Variants in SP140 observed in about 807,000 individuals in gnomAD.
The protein encoded by SP140 is SP140 nuclear body protein.
A neutral mutation model predicts 125.0 loss-of-function variants in SP140; 81 were observed. The ratio of observed to expected loss-of-function variants is 0.65; its 90% CI spans 0.54 to 0.78. SP140 has a LOEUF of 0.78. Among genes scored for constraint, SP140 ranks in the 30% least tolerant of loss-of-function variants. The pLI is 0.00. For missense variants in SP140, 858 were observed against 1,037.0 expected, an observed-to-expected ratio of 0.83 and a Z score of 2.37; for synonymous variants, 312 against 354.0, an observed-to-expected ratio of 0.88 and a Z score of 1.33.
At chr2:230,187,504 CATTT>C in the SP140 span, among the ~76,000 whole-genome samples, 1 of 152,042 alleles carries the variant, frequency 6.6e-6, no homozygotes, top group African/African-American at 2.4e-5. Context: ...AATTAAGTCC[CATTT>C]ATTTATTTTT....
rs970791980 is a variant in SP140, at chr2:230,313,117, G to A, written c.*433G>A. On this transcript the variant is annotated 3_prime_UTR_variant, in exon 27 of 27. Coordinates refer to ENST00000392045, the MANE Select transcript of SP140 (RefSeq NM_007237.5). ...AGCCCACATTCTTTCGATAGCTCAC[G>A]GTGGTGCATGAGTGTCCATCATCTG... 6 of 180,676 alleles carry A rather than the reference G, an allele frequency of 3.3e-5. No individual in the cohort carries two copies. The highest frequency in any genetic ancestry group is 1.2e-4 in the South Asian group (1 of 8,204). 11.2% of individuals were successfully genotyped at this position (180,676 alleles called of 1,614,324 possible). A position where few individuals can be genotyped will look rare whatever the true frequency, so the allele number is the denominator to read the frequency against.
At chr2:230,289,191 TTTTGA>T (rs1393848712) in intron 18 of SP140, among the ~76,000 whole-genome samples, 1 of 152,224 alleles carries the variant, frequency 6.6e-6, no homozygotes, top group Non-Finnish European at 1.5e-5. Flanking sequence ...CTCATTGTGG[TTTTGA>T]TTTGCATTTC....
At chr2:230,295,109 G>C (rs761614375) in intron 21 of SP140, among the ~76,000 whole-genome samples, 1 of 152,252 alleles carries the variant, frequency 6.6e-6, no homozygotes, top group Non-Finnish European at 1.5e-5. Context: ...AATAGGTTAA[G>C]TGCAGTGTAT....
intron 22 of SP140, among the ~76,000 whole-genome samples, chr2:230,299,639 G>A (rs1382690866): frequency 6.6e-6 from 1 of 152,200 alleles, no homozygotes. Flanking sequence ...AAGTGCAGAA[G>A]CCATGGCAGG....
intron 15 of SP140, among the ~76,000 whole-genome samples, chr2:230,274,085 G>C (rs988523717): frequency 6.7e-6 from 1 of 150,068 alleles, no homozygotes; most frequent in African/African-American, 2.5e-5. Flanking sequence ...TAACAAACCT[G>C]CACATATATC....
chr2:230,264,620 C>G (rs2052767883), intron 12 of SP140, among the ~76,000 whole-genome samples: 1 of 152,156 alleles, frequency 6.6e-6, no homozygotes, highest in Non-Finnish European at 1.5e-5. Context: ...GAGGGAGGGT[C>G]TAGGGCTGAA....
At chr2:230,197,784 C>G in the SP140 span, among the ~76,000 whole-genome samples, 1 of 152,040 alleles carries the variant, frequency 6.6e-6, no homozygotes, top group East Asian at 1.9e-4. Context: ...TTCCCAGCAC[C>G]ATTTATTAAA....
chr2:230,208,507 G>A (rs1016297479), intron 1 of SP140, among the ~76,000 whole-genome samples: 58 of 152,306 alleles, frequency 3.8e-4, no homozygotes, highest in Non-Finnish European at 1.6e-4. Context: ...GGAGAGGAGG[G>A]AGACAGATGT....
chr2:230,307,351 A>G (rs986073575), intron 22 of SP140, among the ~76,000 whole-genome samples: 7 of 152,208 alleles, frequency 4.6e-5, no homozygotes, highest in African/African-American at 1.7e-4. Flanking sequence ...AGGCTAAAAG[A>G]GCTGTAACAC....
intron 3 of SP140, chr2:230,214,961 C>T (rs1192584755): frequency 1.9e-6 from 3 of 1,613,840 alleles, no homozygotes; most frequent in Non-Finnish European, 2.5e-6. Flanking sequence ...ACGTTTGAAG[C>T]TTCTGTAAAT....
chr2:230,264,699 G>A (rs2149317416), intron 12 of SP140, among the ~76,000 whole-genome samples: 1 of 152,218 alleles, frequency 6.6e-6, no homozygotes, highest in South Asian at 2.1e-4. Context: ...CTTTTTCTAT[G>A]GATGTGGCTT....
At chr2:230,288,106 G>T in intron 18 of SP140, 140 bp downstream of exon 18, 2 of 705,084 alleles carry the variant, frequency 2.8e-6, no homozygotes, top group Non-Finnish European at 4.3e-6. Context: ...ATCCTATTTA[G>T]TCATTTTCCA....
intron 1 of SP140, among the ~76,000 whole-genome samples, chr2:230,227,094 C>T (rs540621882): frequency 1.3e-5 from 2 of 152,138 alleles, no homozygotes; most frequent in African/African-American, 4.8e-5. Context: ...AACCAATTCC[C>T]CCTGGATACC....
At chr2:230,241,298 G>T in intron 3 of SP140, 106 bp from the exon 4 acceptor site, 1 of 731,556 alleles carries the variant, frequency 1.4e-6, no homozygotes, top group Non-Finnish European at 2.5e-6. Context: ...TTGGACCTCG[G>T]GGGTGGGAGA....
intron 1 of SP140, among the ~76,000 whole-genome samples, chr2:230,231,025 A>G (rs558696012): frequency 5.9e-5 from 9 of 151,884 alleles, no homozygotes; most frequent in African/African-American, 1.9e-4. Context: ...TTCCTTGGCC[A>G]TGTCCAGGCT....
chr2:230,213,043 G>A lies in SP140; in HGVS notation c.-322-611G>A, dbSNP rs773730813. 5.0e-6 allele frequency: 8 copies of A among 1,613,316 alleles called. No individual in the cohort carries two copies. The Admixed American group carries it at 1.0e-4, about 20-fold the overall frequency. ...GAAGCACCAACTGGGATTGGTGAAG[G>A]GACACACATCAGTACCCTGGAGACT... is the stretch of plus-strand genomic sequence containing the variant. On this transcript the variant is annotated intron_variant, in intron 1 of 4. Coordinates refer to the SP140 transcript ENST00000456542.
At chr2:230,301,841 G>A (rs1368043801) in intron 22 of SP140, among the ~76,000 whole-genome samples, 1 of 152,112 alleles carries the variant, frequency 6.6e-6, no homozygotes, top group Non-Finnish European at 1.5e-5. Flanking sequence ...ATACAGAATG[G>A]CAGAATGGAT....
chr2:230,261,029 G>A (rs555461634), intron 12 of SP140, among the ~76,000 whole-genome samples: 2 of 151,976 alleles, frequency 1.3e-5, no homozygotes, highest in Admixed American at 6.6e-5. Flanking sequence ...TGCTTTTGGC[G>A]GTATGATCAT....
Position 230,309,888 on chromosome 2 carries a change from G to A in SP140, c.2059-36G>A, listed in dbSNP as rs373679855. The A allele has an allele frequency of 4.7e-5, 75 of 1,609,438 alleles. No individual in the cohort carries two copies. In the East Asian group the frequency reaches 7.8e-4, roughly 17 times the overall value. On this transcript the variant is annotated intron_variant, in intron 22 of 26. Transcript: ENST00000392045. ...GAGGGTTGGCCTTCCTGAATCTTGCGGTTCCCAGTGACGTGGACACTGTTT... is the reference window on the plus strand; with the variant it reads ...GAGGGTTGGCCTTCCTGAATCTTGCAGTTCCCAGTGACGTGGACACTGTTT...
Sources: gnomAD v4.1 joint callset for allele counts (sites outside exome capture counted in the v4.1 genomes callset) on GRCh38, gnomAD v4.1.1 for gene constraint, MANE v1.5 for transcripts, NCBI Gene and HGNC (gene_info 2026-07-23, HGNC 2026-07-21) for gene names.